The following ALMS1 variants were observed in gnomAD, a reference collection of about 807,000 sequenced individuals.
ALMS1 encodes centrosome-associated protein ALMS1.
ALMS1 carries 271 observed loss-of-function variants against 352.2 expected under a neutral mutation model. The ratio of observed to expected loss-of-function variants is 0.77; its 90% CI spans 0.70 to 0.85. The LOEUF (loss-of-function observed/expected upper bound fraction) is 0.85. Among genes scored for constraint, ALMS1 ranks in the 40% least tolerant of loss-of-function variants. The pLI, the probability that ALMS1 is intolerant of heterozygous loss-of-function variation, is 0.00. For missense variants in ALMS1, 5,445 were observed against 4,870.7 expected (o/e 1.12, Z -3.51); for synonymous variants, 1,865 against 1,761.2 (o/e 1.06, Z -1.48).
chr2:73,439,547 G>A (rs1293153684), intron 7 of ALMS1, among the ~76,000 whole-genome samples: 2 of 152,100 alleles, frequency 1.3e-5, no homozygotes, highest in Non-Finnish European at 2.9e-5. Flanking sequence ...TAGTTTGTTT[G>A]TTTATTTATT....
intron 7 of ALMS1, among the ~76,000 whole-genome samples, chr2:73,446,561 T>G (rs1285636427): frequency 6.6e-6 from 1 of 152,188 alleles, no homozygotes; most frequent in African/African-American, 2.4e-5. Context: ...TACTTCTAGT[T>G]CTTTACTTTG....
chr2:73,583,081 A>G (rs1041828582), intron 16 of ALMS1, among the ~76,000 whole-genome samples: 1 of 151,640 alleles, frequency 6.6e-6, no homozygotes, highest in African/African-American at 2.4e-5. Flanking sequence ...GGTGTGAGGT[A>G]ATACTGTTTT....
At chr2:73,556,773 G>A (rs961320856) in intron 13 of ALMS1, among the ~76,000 whole-genome samples, 2 of 152,034 alleles carry the variant, frequency 1.3e-5, no homozygotes, top group African/African-American at 4.8e-5. Context: ...CACAGTCTCA[G>A]CTCACTGCAG....
At position 73,491,295 on chromosome 2, in the gene ALMS1, A is replaced by G; in HGVS notation, c.9336A>G (p.Glu3112=). ...LTSKPVAQDQ[E]SLGFLGPKSS... ...GTAAACCTGTAGCACAGGATCAAGA[A>G]TCTTTAGGTTTTCTAGGACCTAAAT... The change falls in exon 10 of 23, where the codon GAA becomes GAG. Residue 3112 remains glutamate (E), a synonymous_variant. Transcript: ENST00000613296. 6.2e-7 allele frequency: 1 copy of G among 1,614,188 alleles called. No individual in the cohort carries two copies.
intron 13 of ALMS1, among the ~76,000 whole-genome samples, chr2:73,552,524 T>A (rs1674461049): frequency 6.6e-6 from 1 of 152,160 alleles, no homozygotes; most frequent in Non-Finnish European, 1.5e-5. Context: ...CACAAAGAAC[T>A]CACCAGCTTT....
intron 17 of ALMS1, among the ~76,000 whole-genome samples, chr2:73,600,135 G>A (rs1675644616): frequency 6.6e-6 from 1 of 152,162 alleles, no homozygotes; most frequent in African/African-American, 2.4e-5. Context: ...AGAAAGAAAG[G>A]AGGGAAGAGA....
At chr2:73,412,875 A>G (rs1000222241) in intron 2 of ALMS1, among the ~76,000 whole-genome samples, 6 of 152,164 alleles carry the variant, frequency 3.9e-5, no homozygotes, top group Non-Finnish European at 7.4e-5. Context: ...CTTTATAAGA[A>G]AGTACCAAAC....
intron 16 of ALMS1, among the ~76,000 whole-genome samples, chr2:73,588,040 C>CA (rs1169794250): frequency 6.6e-6 from 1 of 151,574 alleles, no homozygotes; most frequent in African/African-American, 2.4e-5. Context: ...AAACTGCTAA[C>CA]AAAAAAAAGT....
At chr2:73,468,004 C>T (rs545666342) in intron 9 of ALMS1, among the ~76,000 whole-genome samples, 19 of 151,984 alleles carry the variant, frequency 1.3e-4, no homozygotes, top group African/African-American at 4.6e-4. Flanking sequence ...TGGATATGGG[C>T]AGCATTTACA....
intron 12 of ALMS1, 32 bp from the exon 13 acceptor site, chr2:73,550,235 G>C: frequency 6.2e-7 from 1 of 1,612,220 alleles, no homozygotes; most frequent in South Asian, 1.1e-5. Context: ...GTCGCTATTT[G>C]TGTTTTGTAT....
chr2:73,403,855 A>G (rs1670919302), intron 1 of ALMS1, among the ~76,000 whole-genome samples: 1 of 152,054 alleles, frequency 6.6e-6, no homozygotes, highest in Admixed American at 6.6e-5. Context: ...CAGAAGTGCA[A>G]CTGATTTTCA....
intron 11 of ALMS1, among the ~76,000 whole-genome samples, chr2:73,526,181 T>A (rs573136920): frequency 1.1e-4 from 16 of 152,216 alleles, no homozygotes; most frequent in African/African-American, 3.6e-4. Context: ...GTTATTATAG[T>A]ATTGTAGTAT....
Position 73,489,931 on chromosome 2 carries a change from A to C in ALMS1, c.7972A>C (p.Ile2658Leu). 5 of 1,614,226 alleles carry C rather than the reference A, an allele frequency of 3.1e-6. No individual in the cohort carries two copies. The highest frequency in any genetic ancestry group is 3.4e-6 in the Non-Finnish European group (4 of 1,180,034). The change falls in exon 10 of 23, where the codon ATA becomes CTA. Residue 2658 changes from isoleucine (I) to leucine (L), a missense_variant. By Grantham distance (5) the Ile-to-Leu change is conservative (BLOSUM62 2). Transcript: ENST00000613296. Reference protein sequence around the residue: ...LKSHSPFQNFIPDEFKISKGL... With the variant: ...LKSHSPFQNFLPDEFKISKGL... Reference sequence around the variant, plus strand: ...AAGTCATTCCCCATTTCAGAACTTTATACCTGATGAATTCAAAATCAGCAA... The same window carrying C: ...AAGTCATTCCCCATTTCAGAACTTTCTACCTGATGAATTCAAAATCAGCAA...
chr2:73,526,356 A>G (rs916806667), intron 11 of ALMS1, among the ~76,000 whole-genome samples: 1 of 151,946 alleles, frequency 6.6e-6, no homozygotes, highest in Admixed American at 6.6e-5. Context: ...ATACAGATTC[A>G]GTGGAATACC....
intron 9 of ALMS1, among the ~76,000 whole-genome samples, chr2:73,479,745 A>G (rs971818354): frequency 8.5e-5 from 13 of 152,166 alleles, no homozygotes; most frequent in Admixed American, 2.6e-4. Context: ...CAGGATTGCA[A>G]TTGCTGGGTC....
chr2:73,396,253 C>T (rs1249542749), intron 1 of ALMS1, among the ~76,000 whole-genome samples: 1 of 151,918 alleles, frequency 6.6e-6, no homozygotes, highest in African/African-American at 2.4e-5. Flanking sequence ...GTGAAAATAA[C>T]TCACTTTGTC....
chr2:73,420,788 G>C (rs897976788), intron 3 of ALMS1, among the ~76,000 whole-genome samples: 1 of 152,162 alleles, frequency 6.6e-6, no homozygotes, highest in Non-Finnish European at 1.5e-5. Flanking sequence ...TAGATTCCTG[G>C]ATCTCATAGG....
chr2:73,548,541 G>A (rs1235894116), intron 12 of ALMS1, among the ~76,000 whole-genome samples: 1 of 152,180 alleles, frequency 6.6e-6, no homozygotes, highest in African/African-American at 2.4e-5. Flanking sequence ...AACGAGGGGT[G>A]GTGGTGCAGA....
Position 73,452,163 on chromosome 2 carries a change from C to T in ALMS1, c.5636C>T (p.Pro1879Leu). The T allele has an allele frequency of 6.2e-7, 1 of 1,609,114 alleles. No individual in the cohort carries two copies. The highest frequency in any genetic ancestry group is 8.5e-7 in the Non-Finnish European group (1 of 1,176,710). ...TEVTLKAIGVPGPADQKTGIQ... is the reference protein window; with the variant it reads ...TEVTLKAIGVLGPADQKTGIQ... Reference sequence around the variant, plus strand: ...GTAACTTTGAAAGCAATAGGGGTTCCTGGGCCTGCTGACCAGAAGACTGGG... The same window carrying T: ...GTAACTTTGAAAGCAATAGGGGTTCTTGGGCCTGCTGACCAGAAGACTGGG... The change falls in exon 8 of 23, where the codon CCT (proline) becomes CTT (leucine). Residue 1879 changes from proline to leucine, a missense_variant. Physicochemically the swap from Pro to Leu is moderately conservative, Grantham distance 98 (BLOSUM62 -3). Transcript: ENST00000613296.
Sources: allele counts gnomAD v4.1 joint callset (sites outside exome capture counted in the v4.1 genomes callset), GRCh38; gene constraint gnomAD v4.1.1; transcripts MANE v1.5; gene names NCBI Gene and HGNC (gene_info 2026-07-23, HGNC 2026-07-21).